The following TAF2 variants were observed in gnomAD, a reference collection of about 807,000 sequenced individuals.
The protein encoded by TAF2 is transcription initiation factor TFIID subunit 2.
TAF2 carries 61 observed loss-of-function variants against 138.5 expected under a neutral mutation model. The observed-to-expected ratio is 0.44, with a 90% confidence interval of 0.36 to 0.54. TAF2 has a LOEUF of 0.54. Among genes scored for constraint, TAF2 ranks in the 20% least tolerant of loss-of-function variants. The probability of loss-of-function intolerance (pLI) is 0.00; values close to 1 mark genes in which losing one functional copy is unlikely to be tolerated. For synonymous variants in TAF2, 475 were observed against 469.9 expected (o/e 1.01, Z -0.14); for missense variants, 1,090 against 1,427.9 (o/e 0.76, Z 3.81).
At chr8:119,761,953 G>A (rs1407365957) in intron 19 of TAF2, among the ~76,000 whole-genome samples, 2 of 152,032 alleles carry the variant, frequency 1.3e-5, no homozygotes, top group African/African-American at 4.8e-5. Flanking sequence ...TCACTATATA[G>A]AAAGTTAAAA....
chr8:119,813,488 C>A (rs967251586), intron 3 of TAF2, among the ~76,000 whole-genome samples: 71 of 152,138 alleles, frequency 4.7e-4, no homozygotes, highest in African/African-American at 1.7e-3. Flanking sequence ...AGATAAAGGA[C>A]AAAATGGATC....
chr8:119,789,134 C>T (rs941978866), intron 12 of TAF2, among the ~76,000 whole-genome samples: 2 of 152,102 alleles, frequency 1.3e-5, no homozygotes, highest in African/African-American at 4.8e-5. Flanking sequence ...TTGAAAGAAG[C>T]AGAACCACTA....
At chr8:119,756,169 TGAGTAG>T (rs1820690416) in intron 21 of TAF2, 54 bp from the exon 22 acceptor site, 1 of 1,252,250 alleles carries the variant, frequency 8.0e-7, no homozygotes, top group African/African-American at 1.5e-5. Context: ...ACAGATGCTA[TGAGTAG>T]GAGACAACAT....
intron 3 of TAF2, among the ~76,000 whole-genome samples, chr8:119,812,605 G>A (rs1284943168): frequency 6.6e-6 from 1 of 152,190 alleles, no homozygotes; most frequent in East Asian, 1.9e-4. Context: ...GAGAACATAT[G>A]GTATTTGGTT....
At chr8:119,783,285 C>A in intron 16 of TAF2, 96 bp downstream of exon 16, 2 of 1,455,362 alleles carry the variant, frequency 1.4e-6, no homozygotes, top group Non-Finnish European at 1.9e-6. Flanking sequence ...AATCAGCTAC[C>A]AAGTAAATTT....
intron 11 of TAF2, among the ~76,000 whole-genome samples, chr8:119,791,068 T>C (rs1413614944): frequency 6.6e-6 from 1 of 152,212 alleles, no homozygotes; most frequent in Non-Finnish European, 1.5e-5. Flanking sequence ...CCCAAAGTGC[T>C]GGGATTATAG....
At chr8:119,803,768 G>A (rs1824428005) in intron 5 of TAF2, 110 bp downstream of exon 5, 1 of 1,089,770 alleles carries the variant, frequency 9.2e-7, no homozygotes, top group Non-Finnish European at 1.3e-6. Context: ...GTCTAAATTT[G>A]GAAGGGAATA....
Position 119,832,514 on chromosome 8 carries a change from G to C in TAF2, c.51C>G (p.Asp17Glu). 6.2e-7 allele frequency: 1 copy of C among 1,613,918 alleles called. No homozygotes were observed. Among genetic ancestry groups the C allele is most frequent in the Non-Finnish European group, 8.5e-7 (1 of 1,180,016 alleles). Residue 17 changes from aspartate (D) to glutamate (E), a missense_variant, in exon 1 of 26, where the codon GAC becomes GAG. Asp to Glu is a conservative substitution (Grantham distance 45, BLOSUM62 2). Coordinates refer to ENST00000378164, the MANE Select transcript of TAF2 (RefSeq NM_003184.4). ...ATGGCCTTGGGCTTTCAAAGCCCTT[G>C]TCTCCTTTCTTCCTGTTCATTCTGG... ...EPARMNRKKGDKGFESPRPYK... is the reference protein window; with the variant it reads ...EPARMNRKKGEKGFESPRPYK...
At chr8:119,807,098 T>C (rs1824714140) in intron 3 of TAF2, among the ~76,000 whole-genome samples, 1 of 152,172 alleles carries the variant, frequency 6.6e-6, no homozygotes, top group Non-Finnish European at 1.5e-5. Flanking sequence ...CTTTATAATT[T>C]GACAAAAATT....
chr8:119,735,602 T>C (rs1819173027), intron 25 of TAF2, among the ~76,000 whole-genome samples: 1 of 152,226 alleles, frequency 6.6e-6, no homozygotes, highest in African/African-American at 2.4e-5. Context: ...TCATAAACTT[T>C]GTAATAAAGC....
intron 3 of TAF2, among the ~76,000 whole-genome samples, chr8:119,815,656 T>C (rs912096796): frequency 5.3e-5 from 8 of 151,746 alleles, no homozygotes; most frequent in African/African-American, 1.9e-4. Context: ...AAAAGCTAGG[T>C]TACCCATCCA....
At chr8:119,735,701 C>T (rs2048239) in intron 25 of TAF2, among the ~76,000 whole-genome samples, 41,303 of 152,002 alleles carry the variant, frequency 0.27, 6,869 homozygotes, top group Admixed American at 0.46. Flanking sequence ...AACTGGTACC[C>T]AGATATTCTT....
chr8:119,778,873 T>C (rs1346445043), intron 17 of TAF2, among the ~76,000 whole-genome samples: 1 of 152,204 alleles, frequency 6.6e-6, no homozygotes, highest in African/African-American at 2.4e-5. Context: ...TACAGATGCA[T>C]AGACATCTCA....
chr8:119,801,145 G>A (rs1353074351), intron 6 of TAF2, among the ~76,000 whole-genome samples: 4 of 152,122 alleles, frequency 2.6e-5, no homozygotes, highest in African/African-American at 4.8e-5. Context: ...AGATTCCAGA[G>A]ATGGGACCAC....
Position 119,731,792 on chromosome 8 carries a change from T to C in TAF2, c.*132A>G. 1 of 885,150 alleles carries C rather than the reference T, an allele frequency of 1.1e-6. No homozygotes were observed. The highest frequency in any genetic ancestry group is 2.0e-5 in the Admixed American group (1 of 50,654). 54.8% of individuals were successfully genotyped at this position (885,150 alleles called of 1,614,324 possible). On this transcript the variant is annotated 3_prime_UTR_variant, in exon 26 of 26. Coordinates refer to ENST00000378164, the MANE Select transcript of TAF2 (RefSeq NM_003184.4). ...TAACATAAATCAAATGCTTAGAACT[T>C]AAATGAATTCAGAATTTCTGTAGGA...
chr8:119,731,059 T>A lies in TAF2; in HGVS notation c.*865A>T, dbSNP rs1018670867. ...TTAATAAACAATATATAAGCTCACC[T>A]TTTTAAAGGTATCATACTTTGTGTC... On this transcript the variant is annotated 3_prime_UTR_variant, in exon 26 of 26. Coordinates refer to ENST00000378164, the MANE Select transcript of TAF2 (RefSeq NM_003184.4). 1 of 152,214 alleles carries A rather than the reference T, an allele frequency of 6.6e-6. No individual in the cohort carries two copies. The highest frequency in any genetic ancestry group is 1.5e-5 in the Non-Finnish European group (1 of 68,030). 9.4% of individuals were successfully genotyped at this position (152,214 alleles called of 1,614,324 possible).
chr8:119,769,868 CTG>C (rs1821704677), intron 18 of TAF2, among the ~76,000 whole-genome samples: 2 of 151,822 alleles, frequency 1.3e-5, no homozygotes, highest in South Asian at 4.2e-4. Flanking sequence ...AGCGATTATC[CTG>C]TCTCAGCCCC....
intron 3 of TAF2, among the ~76,000 whole-genome samples, chr8:119,816,355 C>A (rs1254133745): frequency 1.3e-5 from 2 of 151,948 alleles, no homozygotes; most frequent in East Asian, 3.9e-4. Flanking sequence ...CCGCACCAGG[C>A]CTGTAAGCAC....
chr8:119,817,121 T>C (rs190131925), intron 3 of TAF2, among the ~76,000 whole-genome samples: 1 of 152,356 alleles, frequency 6.6e-6, no homozygotes, highest in Admixed American at 6.5e-5. Context: ...ATGGTTCTAG[T>C]TGAATGAAAA....
Sources: gnomAD v4.1 joint callset for allele counts (sites outside exome capture counted in the v4.1 genomes callset) on GRCh38, gnomAD v4.1.1 for gene constraint, MANE v1.5 for transcripts, NCBI Gene and HGNC (gene_info 2026-07-23, HGNC 2026-07-21) for gene names.